The following EDA variants were observed in gnomAD, a reference collection of about 807,000 sequenced individuals.
The protein encoded by EDA is ectodysplasin-A.
EDA carries 2 observed loss-of-function variants against 23.6 expected under a neutral mutation model. That is an observed-to-expected ratio of 0.08 (90% CI 0.03 to 0.27). The LOEUF is 0.27. EDA is among the 10% of genes least tolerant of loss of function. The pLI, the probability that EDA is intolerant of heterozygous loss-of-function variation, is 1.00. For missense variants in EDA, 229 were observed against 324.2 expected (o/e 0.71, Z 2.26); for synonymous variants, 131 against 132.0 (o/e 0.99, Z 0.05).
At chrX:69,719,222 T>C (rs892176017) in intron 1 of EDA, among the ~76,000 whole-genome samples, 10 of 56,745 alleles carry the variant, frequency 1.8e-4, no homozygotes, top group African/African-American at 4.7e-4. Context: ...ATTGTATTGT[T>C]TTTTTTTTCC....
chrX:69,816,374 A>G (rs1378181308), intron 1 of EDA, among the ~76,000 whole-genome samples: 1 of 111,564 alleles, frequency 9.0e-6, no homozygotes, highest in Non-Finnish European at 1.9e-5. Context: ...GTAGGCCTCA[A>G]AAGCTAGGTA....
chrX:69,853,837 C>T (rs2017186871), intron 1 of EDA, among the ~76,000 whole-genome samples: 1 of 108,484 alleles, frequency 9.2e-6, no homozygotes, highest in African/African-American at 3.3e-5. Flanking sequence ...GTTGCATACT[C>T]CTCTGTTTGT....
intron 1 of EDA, among the ~76,000 whole-genome samples, chrX:69,822,436 CCAAA>C (rs1399430221): frequency 9.0e-6 from 1 of 111,011 alleles, no homozygotes; most frequent in Non-Finnish European, 1.9e-5. Context: ...ACTGGAAGCC[CCAAA>C]CAGTGGTCAA....
At chrX:69,706,057 C>T (rs1056599198) in intron 1 of EDA, among the ~76,000 whole-genome samples, 5 of 112,048 alleles carry the variant, frequency 4.5e-5, no homozygotes, top group South Asian at 3.7e-4. Flanking sequence ...GCCTTTCTTC[C>T]GGTGCAGAGA....
chrX:69,787,181 G>T lies in EDA; in HGVS notation c.397-169846G>T, dbSNP rs1255796868. Among the ~76,000 whole-genome samples the T allele has an allele frequency of 7.0e-5, 7 of 99,329 alleles. No individual in the cohort carries two copies. In the East Asian group the frequency reaches 2.1e-3, roughly 30 times the overall value. 86.3% of individuals were successfully genotyped at this position (99,329 alleles called of 115,157 possible). ...CCATCCTTTTATTTTGAGCCTATGT[G>T]TGTCTCTGCACGTGAGATGGGTTTC... On this transcript the variant is annotated intron_variant, in intron 1 of 7. Coordinates refer to ENST00000374552, the MANE Select transcript of EDA (RefSeq NM_001399.5).
chrX:69,694,819 C>CAA (rs1475692205), intron 1 of EDA, among the ~76,000 whole-genome samples: 1 of 111,722 alleles, frequency 9.0e-6, no homozygotes, highest in Non-Finnish European at 1.9e-5. Context: ...AAATATAACT[C>CAA]AAAGGGTTAG....
At chrX:69,839,446 T>C (rs1303231006) in intron 1 of EDA, among the ~76,000 whole-genome samples, 3 of 112,230 alleles carry the variant, frequency 2.7e-5, no homozygotes, top group African/African-American at 9.7e-5. Context: ...CTTAGCTAAC[T>C]AATTGAGAGA....
At chrX:69,798,314 G>A (rs932012225) in intron 1 of EDA, among the ~76,000 whole-genome samples, 5 of 111,314 alleles carry the variant, frequency 4.5e-5, no homozygotes, top group Non-Finnish European at 9.4e-5. Context: ...AGACCAAATG[G>A]ACCTAACAGA....
At chrX:69,849,078 TATATACAC>T (rs2017065450) in intron 1 of EDA, among the ~76,000 whole-genome samples, 1 of 30,239 alleles carries the variant, frequency 3.3e-5, no homozygotes, top group African/African-American at 8.3e-5. Flanking sequence ...ACACAAAGTC[TATATACAC>T]ACACACACAC....
chrX:69,735,742 G>A (rs994466808), intron 1 of EDA, among the ~76,000 whole-genome samples: 2 of 111,356 alleles, frequency 1.8e-5, no homozygotes, highest in Non-Finnish European at 3.8e-5. Context: ...TAGTCAAAAA[G>A]ACAGGGTATT....
At chrX:69,763,011 C>T (rs769076662) in intron 1 of EDA, among the ~76,000 whole-genome samples, 4 of 112,202 alleles carry the variant, frequency 3.6e-5, no homozygotes, top group South Asian at 3.7e-4. Context: ...GTTAAAAATA[C>T]AGTGGTGATA....
chrX:69,801,823 T>G (rs940208537), intron 1 of EDA, among the ~76,000 whole-genome samples: 4 of 111,943 alleles, frequency 3.6e-5, no homozygotes, highest in African/African-American at 1.3e-4. Flanking sequence ...CCTATCAAAT[T>G]TGCAAAAAAT....
intron 2 of EDA, among the ~76,000 whole-genome samples, chrX:69,993,207 AAAAT>A (rs894446145): frequency 5.4e-5 from 6 of 110,393 alleles, no homozygotes; most frequent in African/African-American, 2.0e-4. Flanking sequence ...AATAATAAAT[AAAAT>A]AAAATAAAAA....
chrX:69,808,257 G>A (rs2015861377), intron 1 of EDA, among the ~76,000 whole-genome samples: 1 of 110,832 alleles, frequency 9.0e-6, no homozygotes, highest in South Asian at 3.8e-4. Flanking sequence ...CTATTACTGG[G>A]AAAGGATACA....
chrX:69,969,062 G>A (rs1445218550), intron 2 of EDA, among the ~76,000 whole-genome samples: 13 of 112,070 alleles, frequency 1.2e-4, no homozygotes. Flanking sequence ...TATACTGCGA[G>A]CCAGAGGTCT....
chrX:69,720,037 C>T (rs868742783), intron 1 of EDA, among the ~76,000 whole-genome samples: 2 of 111,386 alleles, frequency 1.8e-5, no homozygotes, highest in South Asian at 3.8e-4. Context: ...TGTGAGCCAC[C>T]GTGCCCGGCC....
chrX:69,923,488 G>A (rs185561785), intron 1 of EDA, among the ~76,000 whole-genome samples: 36 of 111,581 alleles, frequency 3.2e-4, no homozygotes, highest in South Asian at 1.2e-3. Flanking sequence ...TTATGGCTGC[G>A]TAGTATTCCA....
At chrX:69,775,775 T>C (rs1255302554) in intron 1 of EDA, among the ~76,000 whole-genome samples, 2 of 112,199 alleles carry the variant, frequency 1.8e-5, no homozygotes, top group Admixed American at 1.9e-4. Context: ...AGTTACAACC[T>C]ATATCTGTCT....
chrX:69,920,739 T>A (rs1309579942), intron 1 of EDA, among the ~76,000 whole-genome samples: 1 of 111,765 alleles, frequency 8.9e-6, no homozygotes, highest in Non-Finnish European at 1.9e-5. Context: ...ATCACTATTA[T>A]TGTTAACCTT....
Sources: gnomAD v4.1 joint callset for allele counts (sites outside exome capture counted in the v4.1 genomes callset) on GRCh38, gnomAD v4.1.1 for gene constraint, MANE v1.5 for transcripts, NCBI Gene and HGNC (gene_info 2026-07-23, HGNC 2026-07-21) for gene names.